NREP: variants seen among roughly 807,000 people sequenced by gnomAD.
The protein encoded by NREP is neuronal regeneration related protein, also known as neuronal regeneration-related protein.
A neutral mutation model predicts 8.6 loss-of-function variants in NREP; 5 were observed. The ratio of observed to expected loss-of-function variants is 0.58; its 90% confidence interval spans 0.30 to 1.22. The LOEUF (loss-of-function observed/expected upper bound fraction) is 1.22. Ranked by LOEUF, NREP falls within the 50% of genes most tolerant of loss-of-function variation. NREP has a pLI of 0.07. For synonymous variants in NREP, 27 were observed against 28.0 expected (o/e 0.96, Z 0.11); for missense variants, 86 against 82.5 (o/e 1.04, Z -0.17).
intron 2 of NREP, among the ~76,000 whole-genome samples, chr5:111,842,416 G>A (rs1447731622): frequency 2.0e-5 from 3 of 151,990 alleles, no homozygotes; most frequent in African/African-American, 7.2e-5. Flanking sequence ...AAATATTTTA[G>A]AGTTATAACA....
chr5:111,848,031 A>G (rs1753223446), intron 2 of NREP, among the ~76,000 whole-genome samples: 1 of 152,134 alleles, frequency 6.6e-6, no homozygotes, highest in Non-Finnish European at 1.5e-5. Context: ...AGCTTCAGTA[A>G]AACTCAACTG....
chr5:111,885,411 T>A (rs1177900341), intron 2 of NREP, among the ~76,000 whole-genome samples: 1 of 151,526 alleles, frequency 6.6e-6, no homozygotes, highest in African/African-American at 2.4e-5. Flanking sequence ...CAAGGTAATT[T>A]ATAGATTCAA....
intron 2 of NREP, among the ~76,000 whole-genome samples, chr5:111,818,302 A>G (rs184685090): frequency 2.1e-4 from 32 of 152,320 alleles, no homozygotes; most frequent in Admixed American, 1.6e-3. Context: ...TAATTGTAAA[A>G]TGCAATTTTG....
At chr5:111,789,696 G>A (rs2112891730) in intron 2 of NREP, among the ~76,000 whole-genome samples, 1 of 152,188 alleles carries the variant, frequency 6.6e-6, no homozygotes, top group East Asian at 1.9e-4. Flanking sequence ...TTCTAACCTT[G>A]AGGAGGACTC....
At chr5:111,858,274 T>G (rs1753469032) in intron 2 of NREP, among the ~76,000 whole-genome samples, 1 of 152,076 alleles carries the variant, frequency 6.6e-6, no homozygotes, top group African/African-American at 2.4e-5. Flanking sequence ...GGGTGCATGT[T>G]TCTACACTCC....
At chr5:111,789,252 C>T (rs1751684736) in intron 2 of NREP, among the ~76,000 whole-genome samples, 1 of 152,116 alleles carries the variant, frequency 6.6e-6, no homozygotes, top group South Asian at 2.1e-4. Flanking sequence ...CCAATTGCAG[C>T]TTTTTTTCTT....
chr5:111,835,148 A>G (rs1030693434), intron 2 of NREP, among the ~76,000 whole-genome samples: 3 of 152,172 alleles, frequency 2.0e-5, no homozygotes, highest in Admixed American at 2.0e-4. Context: ...TATTCAATAC[A>G]TGACACAACT....
In NREP at chr5:111,955,089, T is replaced by C. The variant is rs138852603; in HGVS notation, c.135+20185A>G. On this transcript the variant is annotated intron_variant, in intron 2 of 3. Transcript: ENST00000395634. ...AGAAAGAAGAACGTGTCTCCATTCG[T>C]TGATATTCTCTTCTACTATCAGACT... Among the ~76,000 whole-genome samples the C allele has an allele frequency of 1.4e-3, 206 of 152,276 alleles. 1 individual carries two copies. Among genetic ancestry groups the C allele is most frequent in the Non-Finnish European group, 2.6e-3 (179 of 68,024 alleles).
At chr5:111,766,356 T>C (rs1751083432) in intron 2 of NREP, among the ~76,000 whole-genome samples, 2 of 152,218 alleles carry the variant, frequency 1.3e-5, no homozygotes, top group Non-Finnish European at 2.9e-5. Flanking sequence ...CAGGTTTCCA[T>C]TTGCACGGAT....
chr5:111,755,330 C>T (rs1750630255), intron 2 of NREP: 1 of 159,544 alleles, frequency 6.3e-6, no homozygotes, highest in African/African-American at 2.4e-5. Flanking sequence ...ATCTATATTG[C>T]TTTAAAGGAT....
At chr5:111,887,555 C>T (rs924142865) in intron 2 of NREP, among the ~76,000 whole-genome samples, 1 of 152,094 alleles carries the variant, frequency 6.6e-6, no homozygotes, top group Non-Finnish European at 1.5e-5. Context: ...ATGCCTTGCA[C>T]AATGCAGAGT....
chr5:111,961,011 T>C (rs903732370), intron 2 of NREP, among the ~76,000 whole-genome samples: 2 of 152,250 alleles, frequency 1.3e-5, no homozygotes, highest in Admixed American at 1.3e-4. Flanking sequence ...GCAAAAGTCC[T>C]GGCTTGGTCA....
intron 2 of NREP, among the ~76,000 whole-genome samples, chr5:111,885,917 G>C (rs1754232889): frequency 6.6e-6 from 1 of 152,110 alleles, no homozygotes; most frequent in South Asian, 2.1e-4. Flanking sequence ...CATGGGCAAG[G>C]ACTTCATGTC....
chr5:111,903,987 T>C lies in NREP; in HGVS notation c.135+71287A>G, dbSNP rs546658360. On this transcript the variant is annotated intron_variant, in intron 2 of 3. Coordinates refer to the NREP transcript ENST00000395634. ...CCAATTAATGAAAGTAATTTGTCTA[T>C]ACAAATTATTTTTACATAGAACATT... Among the ~76,000 whole-genome samples, 14 of 152,266 alleles carry C rather than the reference T, an allele frequency of 9.2e-5. No individual in the cohort carries two copies. In the East Asian group the frequency reaches 1.9e-3, roughly 21 times the overall value.
At chr5:111,834,260 A>G (rs758131727) in intron 2 of NREP, among the ~76,000 whole-genome samples, 1 of 152,178 alleles carries the variant, frequency 6.6e-6, no homozygotes, top group Non-Finnish European at 1.5e-5. Flanking sequence ...TATAAGTAAG[A>G]TAAAATTTCA....
intron 2 of NREP, among the ~76,000 whole-genome samples, chr5:111,807,921 C>G (rs1001855723): frequency 8.8e-5 from 12 of 135,906 alleles, no homozygotes; most frequent in African/African-American, 3.2e-4. Context: ...TCTTCTTTAT[C>G]ACAACAACAA....
intron 2 of NREP, among the ~76,000 whole-genome samples, chr5:111,937,774 T>C (rs907659033): frequency 6.6e-6 from 1 of 151,984 alleles, no homozygotes; most frequent in Non-Finnish European, 1.5e-5. Flanking sequence ...CCTCTTCCTG[T>C]CCCACCAGGT....
intron 2 of NREP, among the ~76,000 whole-genome samples, chr5:111,850,533 T>G (rs1753282994): frequency 6.6e-6 from 1 of 152,164 alleles, no homozygotes. Flanking sequence ...CAATATTATT[T>G]TTTTTTCTAC....
intron 2 of NREP, among the ~76,000 whole-genome samples, chr5:111,918,518 G>GA (rs1755130657): frequency 6.6e-6 from 1 of 152,090 alleles, no homozygotes; most frequent in Non-Finnish European, 1.5e-5. Flanking sequence ...CAGATACATA[G>GA]ACCAATGGAA....
Sources: allele counts gnomAD v4.1 joint callset (sites outside exome capture counted in the v4.1 genomes callset), GRCh38; gene constraint gnomAD v4.1.1; transcripts MANE v1.5; gene names NCBI Gene and HGNC (gene_info 2026-07-23, HGNC 2026-07-21).